GPHN: variants seen among roughly 807,000 people sequenced by gnomAD.
GPHN encodes the protein gephyrin.
In GPHN, 17 loss-of-function variants were observed where a neutral mutation model predicts 95.5. The ratio of observed to expected loss-of-function variants is 0.18; its 90% CI spans 0.12 to 0.27. GPHN has a LOEUF of 0.27. Ranked by LOEUF, GPHN falls within the 10% of genes least tolerant of loss-of-function variation. The pLI, the probability that GPHN is intolerant of heterozygous loss-of-function variation, is 1.00. For synonymous variants in GPHN, 320 were observed against 322.5 expected, an observed-to-expected ratio of 0.99 and a Z score of 0.08; for missense variants, 660 against 978.1, an observed-to-expected ratio of 0.67 and a Z score of 4.34.
At chr14:66,935,694 A>C (rs141397035) in intron 8 of GPHN, among the ~76,000 whole-genome samples, 1,824 of 151,952 alleles carry the variant, frequency 0.012, 18 homozygotes, top group Non-Finnish European at 0.018. Context: ...ATATGTATAC[A>C]TGTATACGTA....
At chr14:67,000,352 A>G (rs2072130960) in intron 9 of GPHN, among the ~76,000 whole-genome samples, 1 of 151,784 alleles carries the variant, frequency 6.6e-6, no homozygotes, top group Admixed American at 6.6e-5. Flanking sequence ...TCTATTTCAA[A>G]AGAAAAAATA....
intron 1 of GPHN, among the ~76,000 whole-genome samples, chr14:66,535,851 A>AT (rs1310892353): frequency 2.0e-5 from 3 of 152,006 alleles, no homozygotes; most frequent in Non-Finnish European, 2.9e-5. Context: ...TATTTTATAG[A>AT]TTTTTTGTAT....
the GPHN span, among the ~76,000 whole-genome samples, chr14:67,661,529 CTT>C: frequency 3.8e-4 from 42 of 110,046 alleles, no homozygotes; most frequent in African/African-American, 9.3e-4. Context: ...GAACAGTAAC[CTT>C]TTTTTTTTTT....
At chr14:67,517,343 C>G in the GPHN span, among the ~76,000 whole-genome samples, 1,818 of 152,318 alleles carry the variant, frequency 0.012, 41 homozygotes, top group African/African-American at 0.042. Flanking sequence ...GGAAAGGCTT[C>G]GGAAGATCTG....
At chr14:66,780,804 C>T (rs2059577297) in intron 3 of GPHN, among the ~76,000 whole-genome samples, 2 of 152,084 alleles carry the variant, frequency 1.3e-5, no homozygotes, top group African/African-American at 2.4e-5. Flanking sequence ...CAGTTACAAT[C>T]GTTTTTGTTT....
At chr14:67,647,867 A>AT in the GPHN span, 12 of 634,912 alleles carry the variant, frequency 1.9e-5, 1 homozygote, top group African/African-American at 1.8e-4. Flanking sequence ...GGAAGTTAAT[A>AT]TTGCCAATCT....
At chr14:66,531,366 C>T (rs564031569) in intron 1 of GPHN, among the ~76,000 whole-genome samples, 2 of 152,094 alleles carry the variant, frequency 1.3e-5, no homozygotes, top group East Asian at 1.9e-4. Context: ...ACCTGGGAGG[C>T]GGAGGTTGCA....
chr14:67,689,246 T>C, the GPHN span, among the ~76,000 whole-genome samples: 1 of 152,374 alleles, frequency 6.6e-6, no homozygotes, highest in East Asian at 1.9e-4. Flanking sequence ...CAGATGTTCA[T>C]TTGGTAGGAT....
the GPHN span, chr14:67,677,753 A>C: frequency 6.6e-6 from 1 of 152,494 alleles, no homozygotes; most frequent in East Asian, 1.9e-4. Context: ...GCACACATAA[A>C]CAGGAAGACA....
Position 67,052,457 on chromosome 14 carries a change from C to A in GPHN, c.1007-6192C>A, listed in dbSNP as rs185413492. ...AGGACCTAGATTCATAAAACAAGTT[C>A]TTAGAGACCTACAAAGAGACTTAGA... On this transcript the variant is annotated intron_variant, in intron 10 of 22. Coordinates refer to ENST00000478722, the MANE Select transcript of GPHN (RefSeq NM_020806.5). Among the ~76,000 whole-genome samples the A allele has an allele frequency of 1.7e-3, 264 of 152,172 alleles. 1 individual carries two copies. Among genetic ancestry groups the A allele is most frequent in the Admixed American group, 6.1e-3 (94 of 15,290 alleles).
intron 4 of GPHN, among the ~76,000 whole-genome samples, chr14:66,843,812 TTC>T (rs1293962443): frequency 1.3e-5 from 2 of 152,172 alleles, no homozygotes; most frequent in Non-Finnish European, 2.9e-5. Flanking sequence ...CTCCATATTC[TTC>T]TCTTTATGTA....
chr14:66,955,993 G>A (rs1305780112), intron 8 of GPHN, among the ~76,000 whole-genome samples: 2 of 152,102 alleles, frequency 1.3e-5, no homozygotes, highest in Non-Finnish European at 2.9e-5. Context: ...CTTTGCTATT[G>A]TGAATAGTGC....
the GPHN span, among the ~76,000 whole-genome samples, chr14:67,694,804 C>T: frequency 6.6e-6 from 1 of 152,100 alleles, no homozygotes; most frequent in Non-Finnish European, 1.5e-5. Flanking sequence ...TGTGATCTGG[C>T]CTGGCTTCAA....
rs566769989 is a variant in GPHN, at chr14:67,095,181, C to T, written c.1238-5675C>T. Among the ~76,000 whole-genome samples the T allele has an allele frequency of 2.0e-5, 3 of 152,254 alleles. No homozygotes were observed. The East Asian group carries it at 5.8e-4, about 29-fold the overall frequency. On this transcript the variant is annotated intron_variant, in intron 12 of 22. Transcript: ENST00000478722. ...ATGTAAAATTTGGACTCCTGTAGTT[C>T]ACTAATTTTTTTATTCCTTAAATTT...
At chr14:67,423,862 G>A in the GPHN span, among the ~76,000 whole-genome samples, 1 of 152,198 alleles carries the variant, frequency 6.6e-6, no homozygotes. Flanking sequence ...TTGGAGGAAC[G>A]AAAGACTTTT....
chr14:67,657,751 CTTT>C, the GPHN span, among the ~76,000 whole-genome samples: 9 of 115,096 alleles, frequency 7.8e-5, no homozygotes, highest in Admixed American at 1.1e-4. Context: ...TTCTTTCTTT[CTTT>C]TTTTTTTTTT....
chr14:67,060,989 T>C, intron 11 of GPHN, among the ~76,000 whole-genome samples: 1 of 152,220 alleles, frequency 6.6e-6, no homozygotes, highest in Non-Finnish European at 1.5e-5. Flanking sequence ...CTCTTAAAAC[T>C]GTCCCTTGTT....
chr14:66,980,428 C>T (rs576714432), intron 9 of GPHN, among the ~76,000 whole-genome samples: 2 of 152,004 alleles, frequency 1.3e-5, no homozygotes, highest in Non-Finnish European at 2.9e-5. Context: ...AAATTAAGAA[C>T]ATATAATGTG....
At chr14:67,399,350 A>C in the GPHN span, among the ~76,000 whole-genome samples, 4 of 145,096 alleles carry the variant, frequency 2.8e-5, no homozygotes, top group East Asian at 4.3e-4. Context: ...AGAGAAGGGT[A>C]GTTTAGGTGG....
Sources: gnomAD v4.1 joint callset for allele counts (sites outside exome capture counted in the v4.1 genomes callset) on GRCh38, gnomAD v4.1.1 for gene constraint, MANE v1.5 for transcripts, NCBI Gene and HGNC (gene_info 2026-07-23, HGNC 2026-07-21) for gene names.